HEATR1: variants seen among roughly 807,000 people sequenced by gnomAD.
HEATR1 encodes the protein HEAT repeat containing 1.
Under a neutral mutation model 248.2 loss-of-function variants are expected in HEATR1, and 77 were observed. The observed-to-expected ratio is 0.31, with a 90% CI of 0.26 to 0.37. The LOEUF (loss-of-function observed/expected upper bound fraction) is 0.37. HEATR1 is among the 10% of genes least tolerant of loss of function. The pLI, the probability that HEATR1 is intolerant of heterozygous loss-of-function variation, is 1.00. For synonymous variants in HEATR1, 897 were observed against 923.1 expected (o/e 0.97, Z 0.51); for missense variants, 2,420 against 2,504.9 (o/e 0.97, Z 0.72).
In HEATR1 at chr1:236,595,938, G is replaced by A; in HGVS notation, c.851C>T (p.Ser284Leu). Residue 284 changes from serine (S) to leucine (L), a missense_variant, in exon 7 of 45, where the codon TCA (serine) becomes TTA (leucine). Ser to Leu is a moderately radical substitution (Grantham distance 145). Transcript: ENST00000366582. ...CTTGGTCAATGTTTTGATGATCTGT[G>A]ATGCCAATGAATTCACAAAGGTATT... ...MENTFVNSLA[S>L]QIIKTLTKIP... is the part of the protein sequence containing the mutation. 1 of 1,613,648 alleles carries A rather than the reference G, an allele frequency of 6.2e-7. No individual in the cohort carries two copies. Among genetic ancestry groups the A allele is most frequent in the Non-Finnish European group, 8.5e-7 (1 of 1,179,614 alleles).
intron 3 of HEATR1, among the ~76,000 whole-genome samples, chr1:236,601,995 T>C (rs1320027429): frequency 4.0e-5 from 6 of 150,716 alleles, no homozygotes; most frequent in African/African-American, 7.3e-5. Flanking sequence ...AAAAATTAAC[T>C]GGGCGTAGTG....
At chr1:236,602,188 G>T (rs191945996) in intron 3 of HEATR1, among the ~76,000 whole-genome samples, 98 of 152,166 alleles carry the variant, frequency 6.4e-4, no homozygotes, top group African/African-American at 1.9e-3. Context: ...AAATGTGTAT[G>T]CTGTGATGTG....
chr1:236,581,185 TG>T, intron 20 of HEATR1, 36 bp downstream of exon 20: 1 of 1,511,312 alleles, frequency 6.6e-7, no homozygotes, highest in Middle Eastern at 1.7e-4. Context: ...CATGAACAGT[TG>T]GTCATGACAA....
chr1:236,590,810 A>C (rs78564511), intron 12 of HEATR1, 37 bp downstream of exon 12: 1 of 1,129,898 alleles, frequency 8.9e-7, no homozygotes, highest in African/African-American at 1.6e-5. Context: ...TCATCATAAG[A>C]AAAAAAAACC....
rs2103132487 is a variant in HEATR1 at position 236,569,128 on chromosome 1, A to C, written c.3949-4T>G. Reference sequence around the variant, plus strand: ...TGATATTGTGTAAAACTTTATCCTGAAAGAAAACACAACTATCAACATTTT... The same window carrying C: ...TGATATTGTGTAAAACTTTATCCTGCAAGAAAACACAACTATCAACATTTT... On this transcript the variant is annotated splice_region_variant and splice_polypyrimidine_tract_variant and intron_variant, in intron 28 of 44. Coordinates refer to ENST00000366582, the MANE Select transcript of HEATR1 (RefSeq NM_018072.6). 6.4e-7 allele frequency: 1 copy of C among 1,568,100 alleles called. No individual in the cohort carries two copies. The highest frequency in any genetic ancestry group is 8.6e-7 in the Non-Finnish European group (1 of 1,162,814).
Position 236,554,517 on chromosome 1 carries a change from G to A in HEATR1, c.6078+81C>T, listed in dbSNP as rs1337989989. The A allele has an allele frequency of 6.6e-6, 8 of 1,215,252 alleles. No homozygotes were observed. In the East Asian group the frequency reaches 1.6e-4, roughly 24 times the overall value. 75.3% of individuals were successfully genotyped at this position (1,215,252 alleles called of 1,614,324 possible). A position where few individuals can be genotyped will look rare whatever the true frequency, so the allele number is the denominator to read the frequency against. On this transcript the variant is annotated intron_variant, in intron 42 of 44. Coordinates refer to ENST00000366582, the MANE Select transcript of HEATR1 (RefSeq NM_018072.6). ...TTACAAAGAAAAATCCTAGCAAGCT[G>A]TCATTTGAGCAGATCTAAAACCTGC...
rs780421143 is a variant in HEATR1 at position 236,568,990 on chromosome 1, C to T, written c.4077+6G>A. On this transcript the variant is annotated splice_donor_region_variant and intron_variant, in intron 29 of 44. Transcript: ENST00000366582. ...GAAACCCCACGATGGTATAAAGAGA[C>T]CTTACCTGAATAAGTGCGGGAATAA... is the stretch of plus-strand genomic sequence containing the variant. 2 of 1,562,034 alleles carry T rather than the reference C, an allele frequency of 1.3e-6. No homozygotes were observed. The highest frequency in any genetic ancestry group is 4.7e-5 in the East Asian group (2 of 42,952).
rs1393515228 is a variant in HEATR1, at chr1:236,599,476, A to G, written c.501+7T>C. 6.2e-7 allele frequency: 1 copy of G among 1,610,574 alleles called. No homozygotes were observed. The highest frequency in any genetic ancestry group is 8.5e-7 in the Non-Finnish European group (1 of 1,178,294). ...GATTACAGACATATGTCATTCAGCA[A>G]TTATACCTTAACTGGCAACAACCAG... On this transcript the variant is annotated splice_region_variant and intron_variant, in intron 4 of 44. Coordinates refer to ENST00000366582, the MANE Select transcript of HEATR1 (RefSeq NM_018072.6).
chr1:236,570,426 T>G (rs1183322022), intron 28 of HEATR1, among the ~76,000 whole-genome samples: 1 of 152,028 alleles, frequency 6.6e-6, no homozygotes, highest in Non-Finnish European at 1.5e-5. Flanking sequence ...GGATTACTAG[T>G]GGCCAGGAGC....
chr1:236,597,038 G>C (rs1441310498), intron 5 of HEATR1, 62 bp from the exon 6 acceptor site: 6 of 1,504,966 alleles, frequency 4.0e-6, no homozygotes, highest in Non-Finnish European at 5.4e-6. Context: ...AGGATTGCTT[G>C]AGGCCAGGAG....
At chr1:236,580,722 G>A (rs1249757449) in intron 20 of HEATR1, among the ~76,000 whole-genome samples, 2 of 151,520 alleles carry the variant, frequency 1.3e-5, no homozygotes, top group Non-Finnish European at 2.9e-5. Flanking sequence ...TCATCACGTT[G>A]TCCAAGCTGG....
chr1:236,582,907 C>A, intron 18 of HEATR1, 35 bp from the exon 19 acceptor site: 1 of 1,610,828 alleles, frequency 6.2e-7, no homozygotes, highest in African/African-American at 1.3e-5. Flanking sequence ...GATGCTAGAT[C>A]CTACATGAAC....
chr1:236,572,680 A>G lies in HEATR1; in HGVS notation c.3563+45T>C, dbSNP rs547307665. ...GTTCCAATGGTTTCATAACATTCAG[A>G]GTCAGGGAACAACAGCATGTGCTCA... is the stretch of plus-strand genomic sequence containing the variant. On this transcript the variant is annotated intron_variant, in intron 25 of 44. Transcript: ENST00000366582. 20 of 1,598,532 alleles carry G rather than the reference A, an allele frequency of 1.3e-5. No individual in the cohort carries two copies. In the African/African-American group the frequency reaches 2.5e-4, roughly 20 times the overall value.
chr1:236,556,014 C>A, intron 38 of HEATR1, 75 bp from the exon 39 acceptor site: 1 of 1,605,878 alleles, frequency 6.2e-7, no homozygotes, highest in Non-Finnish European at 8.5e-7. Context: ...TTTTTAAAAA[C>A]TAAATCTTCT....
At chr1:236,562,248 T>C (rs1663149672) in intron 32 of HEATR1, among the ~76,000 whole-genome samples, 1 of 152,272 alleles carries the variant, frequency 6.6e-6, no homozygotes, top group South Asian at 2.1e-4. Flanking sequence ...CTGAGGCTTT[T>C]TGATTTATGC....
chr1:236,549,642 G>A lies in HEATR1; in HGVS notation c.*1260C>T, dbSNP rs999950625. On this transcript the variant is annotated 3_prime_UTR_variant, in exon 45 of 45. Coordinates refer to ENST00000366582, the MANE Select transcript of HEATR1 (RefSeq NM_018072.6). The stretch of plus-strand genomic sequence containing the variant: ...CAAAGACACTGGTTGGGGGTGGAGG[G>A]TGCCACAGGGAAAGCTGTAGAAGGC... The A allele has an allele frequency of 3.6e-4, 55 of 152,196 alleles. No individual in the cohort carries two copies. Among genetic ancestry groups the A allele is most frequent in the African/African-American group, 1.3e-3 (55 of 41,490 alleles). The allele number at this position is 152,196 out of a possible 1,614,324, so 9.4% of individuals were successfully genotyped here.
intron 16 of HEATR1, 123 bp from the exon 17 acceptor site, chr1:236,585,339 T>C: frequency 1.4e-6 from 1 of 703,508 alleles, no homozygotes; most frequent in Non-Finnish European, 2.3e-6. Context: ...ACAGAAAGCC[T>C]TTATAAAGTA....
chr1:236,584,039 A>G (rs762525737), intron 17 of HEATR1, among the ~76,000 whole-genome samples: 2 of 152,236 alleles, frequency 1.3e-5, no homozygotes, highest in Non-Finnish European at 2.9e-5. Context: ...ACAGAGTAAT[A>G]ACTTAGAAGG....
In HEATR1 at chr1:236,583,206, TAAAG is replaced by T; in HGVS notation, c.2242-14_2242-11del. ...ATTCTGAGGGGATTTCCTGAAATGT[TAAAG>T]GAAACAAAAACTAGTACAAACTAAG... On this transcript the variant is annotated splice_polypyrimidine_tract_variant and intron_variant, in intron 17 of 44. Transcript: ENST00000366582. 6 of 1,577,430 alleles carry T rather than the reference TAAAG, an allele frequency of 3.8e-6. No homozygotes were observed. Among genetic ancestry groups the T allele is most frequent in the Non-Finnish European group, 5.2e-6 (6 of 1,163,652 alleles).
Sources: allele counts gnomAD v4.1 joint callset (sites outside exome capture counted in the v4.1 genomes callset), GRCh38; gene constraint gnomAD v4.1.1; transcripts MANE v1.5; gene names NCBI Gene and HGNC (gene_info 2026-07-23, HGNC 2026-07-21).